The following CELF2 variants were observed in gnomAD, a reference collection of about 807,000 sequenced individuals.
CELF2 encodes the protein CUG triplet repeat RNA-binding protein 2.
CELF2 carries 8 observed loss-of-function variants against 62.6 expected under a neutral mutation model. The observed-to-expected ratio is 0.13, with a 90% confidence interval of 0.07 to 0.23. The LOEUF is 0.23. CELF2 is among the 10% of genes least tolerant of loss of function. The pLI, the probability that CELF2 is intolerant of heterozygous loss-of-function variation, is 1.00. For synonymous variants in CELF2, 258 were observed against 250.0 expected (o/e 1.03, Z -0.30); for missense variants, 333 against 671.0 (o/e 0.50, Z 5.56).
chr10:10,759,192 T>C, the CELF2 span, among the ~76,000 whole-genome samples: 1 of 151,478 alleles, frequency 6.6e-6, no homozygotes, highest in Non-Finnish European at 1.5e-5. Flanking sequence ...GAAGGTAAAA[T>C]AGGAAAACAT....
chr10:10,888,718 CTT>C (rs1217949174), intron 1 of CELF2, among the ~76,000 whole-genome samples: 4 of 152,194 alleles, frequency 2.6e-5, no homozygotes, highest in African/African-American at 7.2e-5. Flanking sequence ...CTCAAACACT[CTT>C]TTTCTTCTAG....
intron 1 of CELF2, among the ~76,000 whole-genome samples, chr10:10,831,013 TG>T (rs1270367901): frequency 6.6e-6 from 1 of 152,226 alleles, no homozygotes; most frequent in Non-Finnish European, 1.5e-5. Context: ...GCTTAAATGT[TG>T]GGTTTGTGTG....
the CELF2 span, among the ~76,000 whole-genome samples, chr10:10,635,133 C>T: frequency 3.3e-5 from 5 of 152,146 alleles, no homozygotes; most frequent in Admixed American, 6.5e-5. Flanking sequence ...ACTCAAGGGG[C>T]AGGGACAGAT....
At chr10:10,733,521 A>G in the CELF2 span, among the ~76,000 whole-genome samples, 2 of 152,248 alleles carry the variant, frequency 1.3e-5, no homozygotes, top group East Asian at 3.9e-4. Flanking sequence ...GGCCTGTATT[A>G]GTGTGTTTTC....
rs911209589 is a variant in CELF2 at position 11,333,851 on chromosome 10, T to C, written c.*4798T>C. 6.6e-6 allele frequency: 1 copy of C among 152,516 alleles called. No homozygotes were observed. The highest frequency in any genetic ancestry group is 6.5e-5 in the Admixed American group (1 of 15,272). 9.4% of individuals were successfully genotyped at this position (152,516 alleles called of 1,614,324 possible). On this transcript the variant is annotated 3_prime_UTR_variant, in exon 13 of 13. Coordinates refer to ENST00000633077, the MANE Select transcript of CELF2 (RefSeq NM_001326342.2). ...TCCTATTTCTACAACTGATTGTACT[T>C]ATGCATTTTGTACCAGTGGAACTTT...
In CELF2 at chr10:11,268,587, T is replaced by C. The variant is rs2765987; in HGVS notation, c.618+1910T>C. On this transcript the variant is annotated intron_variant, in intron 6 of 12. Coordinates refer to ENST00000633077, the MANE Select transcript of CELF2 (RefSeq NM_001326342.2). This position sits in a 1 kb window ranked among gnomAD's most constrained non-coding sequence, Gnocchi z 4.7. ...ACTGGGGCATATTTATTCCTAAGCCTTTGATCCTTTATTATTAATATCTCT... is the reference window on the plus strand; with the variant it reads ...ACTGGGGCATATTTATTCCTAAGCCCTTGATCCTTTATTATTAATATCTCT... 0.11 allele frequency among the ~76,000 whole-genome samples: 16,309 copies of C among 152,212 alleles called. 1,578 individuals are homozygous for C. Among genetic ancestry groups the C allele is most frequent in the African/African-American group, 0.26 (10,761 of 41,498 alleles).
chr10:10,542,253 T>G, the CELF2 span, among the ~76,000 whole-genome samples: 1 of 151,998 alleles, frequency 6.6e-6, no homozygotes, highest in Admixed American at 6.6e-5. Flanking sequence ...AACTGAGATA[T>G]AGAGGGTTGA....
chr10:11,070,069 A>G (rs1028736039), intron 1 of CELF2, among the ~76,000 whole-genome samples: 8 of 152,264 alleles, frequency 5.3e-5, no homozygotes, highest in Admixed American at 2.0e-4. Flanking sequence ...AATGTTTCCA[A>G]TAATGTTTGT....
At chr10:11,181,427 G>C (rs2073338052) in intron 2 of CELF2, among the ~76,000 whole-genome samples, 1 of 152,192 alleles carries the variant, frequency 6.6e-6, no homozygotes, top group South Asian at 2.1e-4. Context: ...GTTTGTTCAA[G>C]TACACTGAAT....
At chr10:11,203,037 C>T (rs1161814709) in intron 2 of CELF2, among the ~76,000 whole-genome samples, 4 of 151,824 alleles carry the variant, frequency 2.6e-5, no homozygotes, top group Non-Finnish European at 5.9e-5. Flanking sequence ...CATCCTCATC[C>T]AGTCATCCAG....
At chr10:11,009,954 G>A (rs573963052) in intron 1 of CELF2, among the ~76,000 whole-genome samples, 8 of 152,210 alleles carry the variant, frequency 5.3e-5, no homozygotes, top group South Asian at 2.1e-4. Flanking sequence ...GCAGCATCAC[G>A]GGCTTCTAGC....
the CELF2 span, among the ~76,000 whole-genome samples, chr10:10,609,653 T>A: frequency 6.6e-6 from 1 of 152,336 alleles, no homozygotes; most frequent in South Asian, 2.1e-4. Context: ...TAGATTCTTC[T>A]TACAGAGGAA....
chr10:10,479,859 G>T, the CELF2 span, among the ~76,000 whole-genome samples: 1 of 152,144 alleles, frequency 6.6e-6, no homozygotes, highest in African/African-American at 2.4e-5. Flanking sequence ...TTACTATTAC[G>T]ATTAGTCACA....
At chr10:10,587,240 G>T in the CELF2 span, among the ~76,000 whole-genome samples, 1 of 152,172 alleles carries the variant, frequency 6.6e-6, no homozygotes, top group African/African-American at 2.4e-5. Flanking sequence ...CCCGCATGGG[G>T]ATTTATCAAA....
the CELF2 span, among the ~76,000 whole-genome samples, chr10:10,516,230 T>C: frequency 6.6e-6 from 1 of 152,202 alleles, no homozygotes; most frequent in African/African-American, 2.4e-5. Flanking sequence ...TAGGCATCTC[T>C]TGGTCAGTGC....
At chr10:10,981,874 T>G (rs2052156114) in intron 2 of CELF2, among the ~76,000 whole-genome samples, 1 of 151,870 alleles carries the variant, frequency 6.6e-6, no homozygotes, top group East Asian at 1.9e-4. Flanking sequence ...ACAGTCAGGA[T>G]ATAAAGCCAG....
chr10:10,803,660 T>G (rs889308974), intron 1 of CELF2, among the ~76,000 whole-genome samples: 16 of 152,370 alleles, frequency 1.1e-4, no homozygotes, highest in African/African-American at 3.8e-4. Context: ...AAATGTTCAC[T>G]TCGTATGGTT....
intron 2 of CELF2, among the ~76,000 whole-genome samples, chr10:11,186,673 A>C (rs2075023654): frequency 1.3e-5 from 2 of 152,274 alleles, no homozygotes; most frequent in African/African-American, 4.8e-5. Flanking sequence ...TAAAACCTGA[A>C]ATTTTTTTCA....
At chr10:11,063,788 A>G (rs531765816) in intron 1 of CELF2, among the ~76,000 whole-genome samples, 7 of 152,324 alleles carry the variant, frequency 4.6e-5, no homozygotes, top group African/African-American at 1.7e-4. Flanking sequence ...ACACATTAAA[A>G]TCACCTAAAT....
Sources: gnomAD v4.1 joint callset for allele counts (sites outside exome capture counted in the v4.1 genomes callset) on GRCh38, gnomAD v4.1.1 for gene constraint, Gnocchi (gnomAD v3.1) non-coding constraint, MANE v1.5 for transcripts, NCBI Gene and HGNC (gene_info 2026-07-23, HGNC 2026-07-21) for gene names.